CSMD1: variants seen among roughly 807,000 people sequenced by gnomAD.
CSMD1 encodes CUB and sushi domain-containing protein 1.
CSMD1 carries 213 observed loss-of-function variants against 417.5 expected under a neutral mutation model. The ratio of observed to expected loss-of-function variants is 0.51; its 90% CI spans 0.46 to 0.57. The LOEUF (loss-of-function observed/expected upper bound fraction) is 0.57. Ranked by LOEUF, CSMD1 falls within the 20% of genes least tolerant of loss-of-function variation. CSMD1 has a pLI of 0.00. For synonymous variants in CSMD1, 2,862 were observed against 1,736.8 expected, an observed-to-expected ratio of 1.65 and a Z score of -16.11; for missense variants, 6,923 against 4,529.7, an observed-to-expected ratio of 1.53 and a Z score of -15.17.
chr8:4,778,050 G>C (rs28665194), intron 1 of CSMD1, among the ~76,000 whole-genome samples: 2,182 of 152,160 alleles, frequency 0.014, 43 homozygotes, highest in African/African-American at 0.05. Context: ...TTAAAATTCA[G>C]ACACATAAAC....
At chr8:4,457,548 T>G (rs1300294083) in intron 2 of CSMD1, among the ~76,000 whole-genome samples, 1 of 152,176 alleles carries the variant, frequency 6.6e-6, no homozygotes, top group African/African-American at 2.4e-5. Flanking sequence ...AATTTTATAC[T>G]AGATGGGCCT....
intron 5 of CSMD1, among the ~76,000 whole-genome samples, chr8:3,874,421 T>C (rs1805681290): frequency 6.6e-6 from 1 of 152,206 alleles, no homozygotes; most frequent in Admixed American, 6.5e-5. Flanking sequence ...GTTTTATCCC[T>C]GGATCAAACT....
At chr8:3,467,120 T>C (rs571544347) in intron 12 of CSMD1, among the ~76,000 whole-genome samples, 7 of 152,324 alleles carry the variant, frequency 4.6e-5, no homozygotes, top group African/African-American at 1.4e-4. Flanking sequence ...AATGTAATTA[T>C]AATTAATGTG....
intron 2 of CSMD1, among the ~76,000 whole-genome samples, chr8:4,625,013 G>A (rs766782297): frequency 4.6e-5 from 7 of 152,052 alleles, no homozygotes; most frequent in Admixed American, 6.6e-5. Flanking sequence ...CGTGCTTGCC[G>A]CTTATACCAT....
intron 36 of CSMD1, among the ~76,000 whole-genome samples, chr8:3,184,316 C>G (rs1409617215): frequency 6.6e-6 from 1 of 152,180 alleles, no homozygotes; most frequent in African/African-American, 2.4e-5. Context: ...AAACTACTAA[C>G]TCATTTTCCA....
chr8:3,532,709 G>A (rs746294212), intron 10 of CSMD1, among the ~76,000 whole-genome samples: 1 of 151,994 alleles, frequency 6.6e-6, no homozygotes, highest in African/African-American at 2.4e-5. Context: ...CAAACAATTT[G>A]CTTAAAATAA....
intron 2 of CSMD1, among the ~76,000 whole-genome samples, chr8:4,491,578 A>T (rs1347919337): frequency 6.6e-6 from 1 of 152,198 alleles, no homozygotes; most frequent in Non-Finnish European, 1.5e-5. Context: ...AAGTGGGCAA[A>T]AGGTCTGAAC....
intron 1 of CSMD1, among the ~76,000 whole-genome samples, chr8:4,898,485 T>C (rs563543354): frequency 1.4e-4 from 21 of 152,328 alleles, no homozygotes; most frequent in Middle Eastern, 3.4e-3. Flanking sequence ...AAAATCCAAA[T>C]GCTTGCCTGC....
At chr8:3,466,410 A>ATT (rs55779982) in intron 12 of CSMD1, among the ~76,000 whole-genome samples, 1 of 150,688 alleles carries the variant, frequency 6.6e-6, no homozygotes, top group Non-Finnish European at 1.5e-5. Context: ...TTTTCTGATA[A>ATT]TTTTTTTTTC....
intron 2 of CSMD1, among the ~76,000 whole-genome samples, chr8:4,446,258 G>A (rs894375799): frequency 2.0e-5 from 3 of 152,188 alleles, no homozygotes; most frequent in Non-Finnish European, 4.4e-5. Context: ...CACTTGAAGA[G>A]TGGACCCAGC....
intron 6 of CSMD1, among the ~76,000 whole-genome samples, chr8:3,734,448 C>G (rs6558815): frequency 2.0e-5 from 3 of 152,132 alleles, no homozygotes; most frequent in Non-Finnish European, 4.4e-5. Context: ...CGATGGCTCA[C>G]GCCTGTAATC....
At chr8:3,514,536 T>C (rs1426357938) in intron 10 of CSMD1, among the ~76,000 whole-genome samples, 1 of 152,218 alleles carries the variant, frequency 6.6e-6, no homozygotes, top group East Asian at 1.9e-4. Flanking sequence ...AAGTAATGTT[T>C]CACAAATAAA....
In CSMD1 at chr8:4,535,368, G is replaced by C. The variant is rs77068684; in HGVS notation, c.302+101974C>G. Reference sequence around the variant, plus strand: ...TTTAGTTTATTTATTGCTATTTTTAGAATAACAAGTTACTTTTGTAGCGTC... The same window carrying C: ...TTTAGTTTATTTATTGCTATTTTTACAATAACAAGTTACTTTTGTAGCGTC... On this transcript the variant is annotated intron_variant, in intron 2 of 69. Transcript: ENST00000635120. Among the ~76,000 whole-genome samples, 1,161 of 152,084 alleles carry C rather than the reference G, an allele frequency of 7.6e-3. 19 individuals carry two copies. The highest frequency in any genetic ancestry group is 0.064 in the East Asian group (332 of 5,156).
chr8:3,584,675 A>G (rs1563174727), intron 9 of CSMD1, among the ~76,000 whole-genome samples: 1 of 152,244 alleles, frequency 6.6e-6, no homozygotes, highest in Non-Finnish European at 1.5e-5. Flanking sequence ...TTACTCTAAA[A>G]TACTGATTTA....
chr8:4,635,794 T>C (rs1365841020), intron 2 of CSMD1, among the ~76,000 whole-genome samples: 1 of 152,090 alleles, frequency 6.6e-6, no homozygotes, highest in African/African-American at 2.4e-5. Flanking sequence ...ATTGTATATG[T>C]AGATACTTTG....
At chr8:3,755,890 G>A (rs1305922397) in intron 5 of CSMD1, among the ~76,000 whole-genome samples, 1 of 152,054 alleles carries the variant, frequency 6.6e-6, no homozygotes, top group Non-Finnish European at 1.5e-5. Context: ...GCTGGACACA[G>A]CTGACTCCAA....
intron 3 of CSMD1, among the ~76,000 whole-genome samples, chr8:4,372,508 A>C (rs1368041291): frequency 6.6e-6 from 1 of 152,154 alleles, no homozygotes; most frequent in African/African-American, 2.4e-5. Flanking sequence ...AAACAGAAAA[A>C]AAGTCCTCTA....
At chr8:3,169,425 G>T (rs1454595610) in intron 37 of CSMD1, among the ~76,000 whole-genome samples, 1 of 151,580 alleles carries the variant, frequency 6.6e-6, no homozygotes, top group Non-Finnish European at 1.5e-5. Context: ...TCAAAAAAAA[G>T]ACAAATATTG....
intron 3 of CSMD1, among the ~76,000 whole-genome samples, chr8:4,048,538 C>G (rs770586083): frequency 1.3e-5 from 2 of 152,110 alleles, no homozygotes; most frequent in Non-Finnish European, 1.5e-5. Flanking sequence ...GGTTTATAAA[C>G]CAAGTAAAAG....
Sources: gnomAD v4.1 joint callset for allele counts (sites outside exome capture counted in the v4.1 genomes callset) on GRCh38, gnomAD v4.1.1 for gene constraint, MANE v1.5 for transcripts, NCBI Gene and HGNC (gene_info 2026-07-23, HGNC 2026-07-21) for gene names.